The following RBFOX1 variants were observed in gnomAD, a reference collection of about 807,000 sequenced individuals.
The protein encoded by RBFOX1 is RNA binding protein fox-1 homolog 1.
Under a neutral mutation model 57.7 loss-of-function variants are expected in RBFOX1, and 8 were observed. That is an observed-to-expected ratio of 0.14 (90% confidence interval 0.08 to 0.25). The LOEUF (loss-of-function observed/expected upper bound fraction) is 0.25. Among genes scored for constraint, RBFOX1 ranks in the 10% least tolerant of loss-of-function variants. The pLI, the probability that RBFOX1 is intolerant of heterozygous loss-of-function variation, is 1.00. For missense variants in RBFOX1, 611 were observed against 548.5 expected (o/e 1.11, Z -1.14); for synonymous variants, 326 against 222.4 (o/e 1.47, Z -4.15).
At chr16:7,577,067 A>T (rs11643742) in intron 5 of RBFOX1, among the ~76,000 whole-genome samples, 3 of 152,056 alleles carry the variant, frequency 2.0e-5, no homozygotes, top group East Asian at 1.9e-4. Context: ...TCAGTGTTAC[A>T]GTGTTGCTCT....
At chr16:6,571,775 C>G (rs938399395) in intron 2 of RBFOX1, among the ~76,000 whole-genome samples, 4 of 152,096 alleles carry the variant, frequency 2.6e-5, no homozygotes, top group African/African-American at 7.2e-5. Flanking sequence ...GCTGCAGCCA[C>G]TCAGTAAATA....
chr16:5,897,992 A>C (rs183766848), intron 4 of RBFOX1, among the ~76,000 whole-genome samples: 78 of 152,276 alleles, frequency 5.1e-4, no homozygotes, highest in Non-Finnish European at 1.0e-3. Context: ...TAATAAAGAC[A>C]TACCTGAAAC....
Position 5,249,355 on chromosome 16 carries a change from G to C in RBFOX1, c.219+9250G>C, listed in dbSNP as rs113533731. On this transcript the variant is annotated intron_variant, in intron 1 of 2. Coordinates refer to the RBFOX1 transcript ENST00000585867. The stretch of plus-strand genomic sequence containing the variant: ...GTCCCTCAGACCGTCCTCCTGGAGG[G>C]GCCTGGCCGGGGCTTGTGTCCTTGC... Among the ~76,000 whole-genome samples the C allele has an allele frequency of 5.0e-3, 756 of 152,310 alleles. 7 individuals carry two copies. Among genetic ancestry groups the C allele is most frequent in the African/African-American group, 0.018 (728 of 41,564 alleles).
intron 3 of RBFOX1, among the ~76,000 whole-genome samples, chr16:6,779,526 T>C (rs2079978629): frequency 6.6e-6 from 1 of 151,002 alleles, no homozygotes; most frequent in African/African-American, 2.4e-5. Context: ...CATTTGAATA[T>C]ATACCCAACA....
intron 3 of RBFOX1, among the ~76,000 whole-genome samples, chr16:7,011,931 C>T (rs930730517): frequency 1.3e-5 from 2 of 152,178 alleles, no homozygotes; most frequent in African/African-American, 2.4e-5. Context: ...CTGCACATTT[C>T]TCTCTGGAAA....
chr16:5,485,612 G>A (rs1182788694), intron 2 of RBFOX1, among the ~76,000 whole-genome samples: 2 of 152,224 alleles, frequency 1.3e-5, no homozygotes, highest in East Asian at 3.9e-4. Flanking sequence ...ATTCACCATT[G>A]TCCTCATTTC....
At chr16:7,399,611 C>T (rs1484443372) in intron 4 of RBFOX1, among the ~76,000 whole-genome samples, 3 of 152,174 alleles carry the variant, frequency 2.0e-5, no homozygotes, top group South Asian at 2.1e-4. Context: ...CTTGTAGATG[C>T]ATCTCGTCCA....
intron 3 of RBFOX1, among the ~76,000 whole-genome samples, chr16:5,763,264 G>A (rs757826984): frequency 6.6e-6 from 1 of 152,180 alleles, no homozygotes; most frequent in Non-Finnish European, 1.5e-5. Flanking sequence ...GCTTGGTTTG[G>A]CCTGGACCCT....
chr16:6,687,669 C>G (rs181301760), intron 3 of RBFOX1, among the ~76,000 whole-genome samples: 37 of 152,272 alleles, frequency 2.4e-4, no homozygotes, highest in Admixed American at 1.4e-3. Flanking sequence ...CCTGTTTCAT[C>G]TAGCTGTATT....
intron 3 of RBFOX1, among the ~76,000 whole-genome samples, chr16:7,008,313 A>C (rs986994138): frequency 2.6e-5 from 4 of 152,082 alleles, no homozygotes; most frequent in African/African-American, 9.7e-5. Flanking sequence ...AGACTGAGGC[A>C]GGTGGATCAC....
At chr16:5,314,898 C>A (rs1432514452) in intron 1 of RBFOX1, among the ~76,000 whole-genome samples, 2 of 148,792 alleles carry the variant, frequency 1.3e-5, no homozygotes, top group Non-Finnish European at 1.5e-5. Flanking sequence ...GTCTTTATAA[C>A]AACACAGACA....
chr16:6,667,924 G>A (rs1452548913), intron 3 of RBFOX1, among the ~76,000 whole-genome samples: 1 of 151,920 alleles, frequency 6.6e-6, no homozygotes, highest in African/African-American at 2.4e-5. Flanking sequence ...AGTACAAGCT[G>A]CCTGATTATT....
At chr16:6,154,001 T>G (rs932649211) in intron 1 of RBFOX1, among the ~76,000 whole-genome samples, 1 of 152,222 alleles carries the variant, frequency 6.6e-6, no homozygotes, top group African/African-American at 2.4e-5. Context: ...TATAGTTATA[T>G]CTGGTTTGAA....
chr16:6,608,707 C>T (rs1238232259), intron 2 of RBFOX1, among the ~76,000 whole-genome samples: 7 of 152,222 alleles, frequency 4.6e-5, no homozygotes, highest in Non-Finnish European at 8.8e-5. Flanking sequence ...AGGAGTTTGA[C>T]GCTACAGTGA....
chr16:6,900,435 C>T (rs1373079811), intron 3 of RBFOX1, among the ~76,000 whole-genome samples: 2 of 152,220 alleles, frequency 1.3e-5, no homozygotes, highest in East Asian at 3.8e-4. Flanking sequence ...ACTATCTGCT[C>T]TCCCACTTAA....
In RBFOX1 at chr16:6,624,986, G is replaced by A. The variant is rs141362015; in HGVS notation, c.-63-29617G>A. 9.1e-3 allele frequency among the ~76,000 whole-genome samples: 1,383 copies of A among 151,934 alleles called. 20 individuals carry two copies. Among genetic ancestry groups the A allele is most frequent in the African/African-American group, 0.031 (1,300 of 41,414 alleles). The stretch of plus-strand genomic sequence containing the variant: ...TTGAGACCAGCCTGGCCAACATGGT[G>A]AAACCCCATCTCTACTAAAAATACA... On this transcript the variant is annotated intron_variant, in intron 2 of 15. Transcript: ENST00000550418.
intron 5 of RBFOX1, among the ~76,000 whole-genome samples, chr16:7,542,053 A>G (rs11645744): frequency 6.6e-6 from 1 of 152,160 alleles, no homozygotes; most frequent in South Asian, 2.1e-4. Flanking sequence ...GGGTACTGGC[A>G]GCTTTCGTGG....
chr16:5,437,370 A>G (rs914856097), intron 1 of RBFOX1, among the ~76,000 whole-genome samples: 1 of 152,196 alleles, frequency 6.6e-6, no homozygotes, highest in Non-Finnish European at 1.5e-5. Flanking sequence ...ATTTGGTATG[A>G]TATACCGAAA....
chr16:5,793,777 G>A (rs2054784181), intron 3 of RBFOX1, among the ~76,000 whole-genome samples: 1 of 139,188 alleles, frequency 7.2e-6, no homozygotes, highest in African/African-American at 3.4e-5. Flanking sequence ...ATGTGTGTAT[G>A]TGCATGTGCA....
Sources: allele counts gnomAD v4.1 joint callset (sites outside exome capture counted in the v4.1 genomes callset), GRCh38; gene constraint gnomAD v4.1.1; transcripts MANE v1.5; gene names NCBI Gene and HGNC (gene_info 2026-07-23, HGNC 2026-07-21).